WDR1: variants seen among roughly 807,000 people sequenced by gnomAD.
The protein encoded by WDR1 is WD repeat-containing protein 1.
Under a neutral mutation model 71.9 loss-of-function variants are expected in WDR1, and 21 were observed. The observed-to-expected ratio is 0.29, with a 90% confidence interval of 0.21 to 0.42. WDR1 has a LOEUF of 0.42. Ranked by LOEUF, WDR1 falls within the 10% of genes least tolerant of loss-of-function variation. WDR1 has a pLI of 1.00. For missense variants in WDR1, 696 were observed against 824.5 expected, an observed-to-expected ratio of 0.84 and a Z score of 1.91; for synonymous variants, 424 against 347.4, an observed-to-expected ratio of 1.22 and a Z score of -2.45.
intron 5 of WDR1, chr4:10,091,576 T>TG (rs1711984785): frequency 6.6e-6 from 1 of 152,352 alleles, no homozygotes; most frequent in South Asian, 2.1e-4. Flanking sequence ...TCAGCTGCGC[T>TG]GGCTCCTGGG....
intron 2 of WDR1, among the ~76,000 whole-genome samples, chr4:10,109,768 G>C (rs1252686604): frequency 6.6e-6 from 1 of 152,190 alleles, no homozygotes; most frequent in Non-Finnish European, 1.5e-5. Context: ...AGGTAGACCT[G>C]GGGGTGGCTC....
intron 3 of WDR1, among the ~76,000 whole-genome samples, chr4:10,102,507 T>C (rs960041639): frequency 6.6e-6 from 1 of 152,232 alleles, no homozygotes; most frequent in Non-Finnish European, 1.5e-5. Context: ...CTCTTTGTTC[T>C]TCTGCCATGG....
At chr4:10,080,750 G>C (rs1397479613) in intron 11 of WDR1, among the ~76,000 whole-genome samples, 2 of 152,238 alleles carry the variant, frequency 1.3e-5, no homozygotes, top group Non-Finnish European at 1.5e-5. Flanking sequence ...ATATTCCAAA[G>C]GTGTGCAGGT....
chr4:10,082,390 G>C (rs1765052361), intron 10 of WDR1, among the ~76,000 whole-genome samples: 1 of 152,202 alleles, frequency 6.6e-6, no homozygotes, highest in South Asian at 2.1e-4. Flanking sequence ...TAGGGCCAGA[G>C]GAGGGGTCAG....
Position 10,116,602 on chromosome 4 carries a change from G to T in WDR1, c.16+49C>A, listed in dbSNP as rs1054018792. 7.6e-6 allele frequency: 9 copies of T among 1,178,492 alleles called. No homozygotes were observed. In the African/African-American group the frequency reaches 1.3e-4, roughly 17 times the overall value. The allele number at this position is 1,178,492 out of a possible 1,614,324, so 73.0% of individuals were successfully genotyped here. ...CGGCGCCTAGGGGCCGGGGACCGGG[G>T]CCGGGGCAGCGCGGCGGCCGCTCGG... is the stretch of plus-strand genomic sequence containing the variant. On this transcript the variant is annotated intron_variant, in intron 1 of 14. Transcript: ENST00000499869.
rs1371748639 is a variant in WDR1 at position 10,088,363 on chromosome 4, T to C, written c.647A>G (p.Tyr216Cys). ...CACCTTCTCCCCAGTCTTCCCGTCA[T>C]AGATGTATATCTTCCAAGAAATAAA... ...TASADGQIYI[Y>C]DGKTGEKVCA... The change falls in exon 7 of 15, where the codon TAT becomes TGT. Residue 216 changes from tyrosine to cysteine, a missense_variant. Coordinates refer to ENST00000499869, the MANE Select transcript of WDR1 (RefSeq NM_017491.5). The C allele has an allele frequency of 3.2e-6, 5 of 1,557,182 alleles. No individual in the cohort carries two copies. The South Asian group carries it at 3.6e-5, about 11-fold the overall frequency.
intron 14 of WDR1, chr4:10,075,744 G>T: frequency 1.8e-6 from 1 of 552,826 alleles, no homozygotes; most frequent in Non-Finnish European, 3.3e-6. Flanking sequence ...ACCTACAGAT[G>T]CCAGTGGCTC....
intron 2 of WDR1, among the ~76,000 whole-genome samples, chr4:10,114,553 GCC>G (rs1370185275): frequency 6.6e-6 from 1 of 152,260 alleles, no homozygotes; most frequent in Admixed American, 6.5e-5. Context: ...GACAGGGAAG[GCC>G]TGGTTAGGGG....
In WDR1 at chr4:10,116,673, C is replaced by T; in HGVS notation, c.-7G>A. ...TACTGATCTCGTACGGCATCCTCGC[C>T]CACTTGTTACCGCGCCGCGCTCGCC... On this transcript the variant is annotated 5_prime_UTR_variant, in exon 1 of 15. Coordinates refer to ENST00000499869, the MANE Select transcript of WDR1 (RefSeq NM_017491.5). 7.4e-7 allele frequency: 1 copy of T among 1,350,052 alleles called. No homozygotes were observed. The highest frequency in any genetic ancestry group is 1.7e-5 in the South Asian group (1 of 57,240). 83.6% of individuals were successfully genotyped at this position (1,350,052 alleles called of 1,614,324 possible).
At chr4:10,103,042 C>T (rs953045272) in intron 3 of WDR1, among the ~76,000 whole-genome samples, 3 of 152,092 alleles carry the variant, frequency 2.0e-5, no homozygotes, top group Admixed American at 6.6e-5. Context: ...AAAAGCTCTG[C>T]GTCAAAGAAC....
intron 2 of WDR1, among the ~76,000 whole-genome samples, chr4:10,113,210 A>C (rs1340863075): frequency 1.3e-5 from 2 of 152,072 alleles, no homozygotes; most frequent in African/African-American, 4.8e-5. Flanking sequence ...AAAATACAAA[A>C]ATTAGCCAGG....
Position 10,074,634 on chromosome 4 carries a change from G to C in WDR1, c.*744C>G, listed in dbSNP as rs1222129794. ...GACAGGGGAACATCAAAGCATGATG[G>C]TGAAACGGTGACCAGGACACCTCGG... On this transcript the variant is annotated 3_prime_UTR_variant, in exon 15 of 15. Coordinates refer to ENST00000499869, the MANE Select transcript of WDR1 (RefSeq NM_017491.5). 1 of 152,624 alleles carries C rather than the reference G, an allele frequency of 6.6e-6. No homozygotes were observed. Among genetic ancestry groups the C allele is most frequent in the African/African-American group, 2.4e-5 (1 of 41,444 alleles). The allele number at this position is 152,624 out of a possible 1,614,324, so 9.5% of individuals were successfully genotyped here.
chr4:10,092,502 CAGGG>C, intron 5 of WDR1: 1 of 154,226 alleles, frequency 6.5e-6, no homozygotes, highest in Admixed American at 6.4e-5. Flanking sequence ...CAGGCTCTGG[CAGGG>C]TGGTGTCATG....
chr4:10,075,478 T>C lies in WDR1; in HGVS notation c.1721A>G (p.His574Arg). The part of the protein sequence containing the change: ...PETRVKIQDA[H>R]RLHHVSSLAW... ...CAGGCTGCTGACATGGTGCAGCCGGTGTGCATCTGGGAAGAAAGGGTGCAA... is the reference window on the plus strand; with the variant it reads ...CAGGCTGCTGACATGGTGCAGCCGGCGTGCATCTGGGAAGAAAGGGTGCAA... Residue 574 changes from histidine to arginine, a missense_variant, in exon 15 of 15, where the codon CAC becomes CGC. Coordinates refer to ENST00000499869, the MANE Select transcript of WDR1 (RefSeq NM_017491.5). 6.2e-7 allele frequency: 1 copy of C among 1,613,896 alleles called. No homozygotes were observed. Among genetic ancestry groups the C allele is most frequent in the Non-Finnish European group, 8.5e-7 (1 of 1,179,850 alleles).
chr4:10,102,635 C>T lies in WDR1; in HGVS notation c.229+1261G>A, dbSNP rs565010805. On this transcript the variant is annotated intron_variant, in intron 3 of 14. Transcript: ENST00000499869. ...ATACATTTGTGTTAGTCGTAAATTACCCAGCCTGTGAGCACAAAGCAGAGT... is the reference window on the plus strand; with the variant it reads ...ATACATTTGTGTTAGTCGTAAATTATCCAGCCTGTGAGCACAAAGCAGAGT... Among the ~76,000 whole-genome samples the T allele has an allele frequency of 3.3e-5, 5 of 152,328 alleles. No homozygotes were observed. In the East Asian group the frequency reaches 9.6e-4, roughly 29 times the overall value.
chr4:10,087,752 G>A lies in WDR1; in HGVS notation c.906C>T (p.Asn302=). The change falls in exon 8 of 15, where the codon AAC becomes AAT. Residue 302 remains asparagine (N), a synonymous_variant. Transcript: ENST00000499869. ...LLSVSLSGYI[N]YLDRNNPSKP... Reference sequence around the variant, plus strand: ...TGCTGGGGTTGTTTCTGTCCAGATAGTTGATGTACCCGGACAGGGAGACAC... The same window carrying A: ...TGCTGGGGTTGTTTCTGTCCAGATAATTGATGTACCCGGACAGGGAGACAC... The A allele has an allele frequency of 2.5e-6, 4 of 1,603,026 alleles. No individual in the cohort carries two copies. Among genetic ancestry groups the A allele is most frequent in the Non-Finnish European group, 3.4e-6 (4 of 1,174,610 alleles).
intron 10 of WDR1, 127 bp from the exon 11 acceptor site, chr4:10,081,571 G>A (rs1011779939): frequency 1.3e-5 from 9 of 694,470 alleles, no homozygotes; most frequent in Non-Finnish European, 2.2e-5. Context: ...CTATACTGGA[G>A]AGACTTGCTA....
chr4:10,105,936 C>T (rs1337116499), intron 2 of WDR1, among the ~76,000 whole-genome samples: 1 of 152,240 alleles, frequency 6.6e-6, no homozygotes. Context: ...TAGAAAGGAA[C>T]AAAGTGCAAA....
chr4:10,077,771 G>T lies in WDR1; in HGVS notation c.1551C>A (p.Ser517Arg). ...CDASKVVTVF[S>R]VADGYSENNV... ...CACTCACCGAGTAGCCGTCAGCAAC[G>T]CTGAACACTGTGACCACCTTGCTGG... is the stretch of plus-strand genomic sequence containing the variant. The change falls in exon 13 of 15, where the codon AGC (serine) becomes AGA (arginine). Residue 517 changes from serine (S) to arginine (R), a missense_variant. Transcript: ENST00000499869. 1 of 1,598,262 alleles carries T rather than the reference G, an allele frequency of 6.3e-7. No individual in the cohort carries two copies. The highest frequency in any genetic ancestry group is 8.5e-7 in the Non-Finnish European group (1 of 1,172,418).
Sources: allele counts gnomAD v4.1 joint callset (sites outside exome capture counted in the v4.1 genomes callset), GRCh38; gene constraint gnomAD v4.1.1; transcripts MANE v1.5; gene names NCBI Gene and HGNC (gene_info 2026-07-23, HGNC 2026-07-21).